Variants in INTS14 observed in about 807,000 individuals in gnomAD.
The protein encoded by INTS14 is UPF0464 protein C15orf44.
In INTS14, 27 loss-of-function variants were observed where a neutral mutation model predicts 56.9. The ratio of observed to expected loss-of-function variants is 0.47; its 90% CI spans 0.35 to 0.65. INTS14 has a LOEUF of 0.65. Ranked by LOEUF, INTS14 falls within the 30% of genes least tolerant of loss-of-function variation. INTS14 has a pLI of 0.00. For missense variants in INTS14, 517 were observed against 632.2 expected (o/e 0.82, Z 1.95); for synonymous variants, 207 against 236.2 (o/e 0.88, Z 1.13).
intron 9 of INTS14, among the ~76,000 whole-genome samples, chr15:65,585,202 G>A (rs1449596887): frequency 6.6e-6 from 1 of 151,746 alleles, no homozygotes; most frequent in Non-Finnish European, 1.5e-5. Flanking sequence ...CATACACATA[G>A]ACACACATAT....
intron 2 of INTS14, 88 bp downstream of exon 2, chr15:65,607,071 A>C: frequency 6.8e-7 from 1 of 1,473,270 alleles, no homozygotes; most frequent in East Asian, 2.4e-5. Context: ...AATAATGCCA[A>C]AGTTCTAAAT....
chr15:65,590,886 G>A (rs1430765922), intron 9 of INTS14, among the ~76,000 whole-genome samples: 1 of 152,158 alleles, frequency 6.6e-6, no homozygotes, highest in East Asian at 1.9e-4. Flanking sequence ...AAAGGAGGAG[G>A]AAAATCAGAA....
At chr15:65,583,442 A>G (rs1411482654) in intron 10 of INTS14, among the ~76,000 whole-genome samples, 2 of 152,216 alleles carry the variant, frequency 1.3e-5, no homozygotes, top group African/African-American at 4.8e-5. Flanking sequence ...AAAGGCCACA[A>G]ATTGTATGAT....
chr15:65,601,780 C>T (rs1055860790), intron 3 of INTS14, among the ~76,000 whole-genome samples: 8 of 152,204 alleles, frequency 5.3e-5, no homozygotes, highest in African/African-American at 1.9e-4. Context: ...AAGGCAATTT[C>T]CTTTTCTAGG....
At position 65,610,687 on chromosome 15, in the gene INTS14, T is replaced by A. The variant is rs1321071623; in HGVS notation, c.-63+411A>T. The A allele has an allele frequency of 4.6e-6, 7 of 1,535,636 alleles. No individual in the cohort carries two copies. The East Asian group carries it at 1.5e-4, about 32-fold the overall frequency. ...CTACCTGAATTTCTAGTGCCTCACC[T>A]GCTCTTTGGCTTTCCCGTCAGCCTC... On this transcript the variant is annotated intron_variant, in intron 1 of 11. Transcript: ENST00000313182.
At chr15:65,595,938 C>A in intron 6 of INTS14, 113 bp from the exon 7 acceptor site, 1 of 728,042 alleles carries the variant, frequency 1.4e-6, no homozygotes, top group Middle Eastern at 2.9e-4. Context: ...AATATGATGA[C>A]TGGGAAAGTT....
rs1299091137 is a variant in INTS14, at chr15:65,593,544, A to G, written c.870T>C (p.Thr290=). ...KEGDEVGTGI[T]DDNEDENSAN... is the part of the protein sequence containing the mutation. ...CTGAATTTTCATCTTCATTGTCATC[A>G]GTGATGCCAGTACCCACCTCATCAC... Residue 290 remains threonine, a synonymous_variant, in exon 8 of 12, where the codon ACT becomes ACC. Coordinates refer to ENST00000313182, the MANE Select transcript of INTS14 (RefSeq NM_001394796.1). The G allele has an allele frequency of 2.5e-6, 4 of 1,614,078 alleles. No homozygotes were observed. The highest frequency in any genetic ancestry group is 3.4e-6 in the Non-Finnish European group (4 of 1,180,004).
intron 2 of INTS14, among the ~76,000 whole-genome samples, chr15:65,606,659 T>C (rs780031712): frequency 6.6e-6 from 1 of 152,220 alleles, no homozygotes; most frequent in Non-Finnish European, 1.5e-5. Flanking sequence ...AAGTAAATTC[T>C]AACATAACAC....
intron 9 of INTS14, chr15:65,586,322 G>C (rs540645415): frequency 7.4e-4 from 112 of 152,348 alleles, no homozygotes; most frequent in African/African-American, 2.6e-3. Context: ...GCACAGAGAG[G>C]TTGGACTTAT....
In INTS14 at chr15:65,605,194, C is replaced by G; in HGVS notation, c.265G>C (p.Glu89Gln). Residue 89 changes from glutamate (E) to glutamine (Q), a missense_variant, in exon 3 of 12, where the codon GAG (glutamate) becomes CAG (glutamine). Coordinates refer to ENST00000313182, the MANE Select transcript of INTS14 (RefSeq NM_001394796.1). ...TTGCAAACACCAACTAATGCAGACTCCAAGCAGGTTTTGTCATAATCATCC... is the reference window on the plus strand; with the variant it reads ...TTGCAAACACCAACTAATGCAGACTGCAAGCAGGTTTTGTCATAATCATCC... Reference protein sequence around the residue: ...NMDDYDKTCLESALVGVCNIV... With the variant: ...NMDDYDKTCLQSALVGVCNIV... 6.2e-7 allele frequency: 1 copy of G among 1,614,126 alleles called. No homozygotes were observed. The highest frequency in any genetic ancestry group is 8.5e-7 in the Non-Finnish European group (1 of 1,180,000).
At chr15:65,594,693 C>T (rs751355837) in intron 7 of INTS14, among the ~76,000 whole-genome samples, 8 of 151,808 alleles carry the variant, frequency 5.3e-5, no homozygotes, top group South Asian at 2.1e-4. Flanking sequence ...TGAGCTACCG[C>T]GCCCGGCCAC....
intron 1 of INTS14, 113 bp downstream of exon 1, chr15:65,610,985 G>A: frequency 1.3e-6 from 2 of 1,493,640 alleles, no homozygotes; most frequent in Non-Finnish European, 1.8e-6. Context: ...CGGCCGCCAC[G>A]GTGGCGGGAA....
chr15:65,610,618 C>A, intron 1 of INTS14: 2 of 1,485,960 alleles, frequency 1.3e-6, no homozygotes, highest in Non-Finnish European at 1.8e-6. Context: ...TTAGCTCATT[C>A]ATAAAGAACT....
chr15:65,605,383 G>A (rs1270815386), intron 2 of INTS14, 147 bp from the exon 3 acceptor site: 1 of 617,132 alleles, frequency 1.6e-6, no homozygotes, highest in Non-Finnish European at 2.8e-6. Context: ...AAAGAAAAAT[G>A]CTAGAACAGA....
At chr15:65,593,258 C>A (rs755871562) in intron 8 of INTS14, among the ~76,000 whole-genome samples, 170 bp downstream of exon 8, 29 of 144,694 alleles carry the variant, frequency 2.0e-4, no homozygotes, top group Non-Finnish European at 3.0e-4. Context: ...GACCTCGTCT[C>A]AAAAAAAACA....
rs748225960 is a variant in INTS14, at chr15:65,605,094, T to C, written c.330+35A>G. ...CGAAGCACCTCAGTGGTTAATGTTG[T>C]TAACTTAGGGCAATGAAAAAGAATT... is the stretch of plus-strand genomic sequence containing the variant. On this transcript the variant is annotated intron_variant, in intron 3 of 11. Coordinates refer to ENST00000313182, the MANE Select transcript of INTS14 (RefSeq NM_001394796.1). 2.0e-6 allele frequency: 3 copies of C among 1,522,128 alleles called. No individual in the cohort carries two copies. In the African/African-American group the frequency reaches 4.1e-5, roughly 21 times the overall value. The allele number at this position is 1,522,128 out of a possible 1,614,324, so 94.3% of individuals were successfully genotyped here. A position where few individuals can be genotyped will look rare whatever the true frequency, so the allele number is the denominator to read the frequency against.
intron 1 of INTS14, 25 bp from the exon 2 acceptor site, chr15:65,607,467 C>T (rs1266505311): frequency 6.4e-7 from 1 of 1,560,718 alleles, no homozygotes; most frequent in Non-Finnish European, 8.7e-7. Context: ...TACGTTCTTA[C>T]ATGTCATGGA....
At chr15:65,610,640 G>C (rs1385960350) in intron 1 of INTS14, 6 of 1,519,856 alleles carry the variant, frequency 3.9e-6, no homozygotes, top group South Asian at 3.6e-5. Context: ...ATTCTCAGCA[G>C]TCTCGCTCTC....
intron 9 of INTS14, 123 bp downstream of exon 9, chr15:65,591,475 C>T: frequency 7.7e-7 from 1 of 1,305,044 alleles, no homozygotes. Flanking sequence ...CATCCAGCAT[C>T]ATCCGAGACC....
Sources: allele counts gnomAD v4.1 joint callset (sites outside exome capture counted in the v4.1 genomes callset), GRCh38; gene constraint gnomAD v4.1.1; transcripts MANE v1.5; gene names NCBI Gene and HGNC (gene_info 2026-07-23, HGNC 2026-07-21).